Variants in SCFD2 observed in about 807,000 individuals in gnomAD.
SCFD2 encodes sec1 family domain containing 2, also known as sec1 family domain-containing protein 2.
SCFD2 carries 54 observed loss-of-function variants against 58.9 expected under a neutral mutation model. That is an observed-to-expected ratio of 0.92 (90% CI 0.74 to 1.15). The LOEUF (loss-of-function observed/expected upper bound fraction) is 1.15. Among genes scored for constraint, SCFD2 ranks in the 50% most tolerant of loss-of-function variants. The pLI, the probability that SCFD2 is intolerant of heterozygous loss-of-function variation, is 0.00. For missense variants in SCFD2, 805 were observed against 836.6 expected (o/e 0.96, Z 0.47); for synonymous variants, 321 against 335.9 (o/e 0.96, Z 0.49).
At chr4:53,041,570 G>C (rs1722902027) in intron 5 of SCFD2, among the ~76,000 whole-genome samples, 1 of 152,064 alleles carries the variant, frequency 6.6e-6, no homozygotes, top group South Asian at 2.1e-4. Context: ...TTTTGGGAAG[G>C]GTAAAAATTT....
At chr4:53,357,991 C>T (rs1734448109) in intron 1 of SCFD2, among the ~76,000 whole-genome samples, 2 of 151,972 alleles carry the variant, frequency 1.3e-5, no homozygotes, top group African/African-American at 4.8e-5. Flanking sequence ...CAGTTTCATC[C>T]GTAAAATTGG....
chr4:53,174,199 G>A (rs1031019186), intron 4 of SCFD2, among the ~76,000 whole-genome samples: 2 of 151,910 alleles, frequency 1.3e-5, no homozygotes, highest in African/African-American at 4.8e-5. Context: ...AATATTGAAT[G>A]TGAAGGTCTA....
At chr4:53,348,568 A>C (rs1167842035) in intron 2 of SCFD2, among the ~76,000 whole-genome samples, 1 of 152,036 alleles carries the variant, frequency 6.6e-6, no homozygotes, top group Non-Finnish European at 1.5e-5. Flanking sequence ...ATTGCTTTAG[A>C]CCTCTATTTG....
At chr4:52,911,498 A>C (rs1719485378) in intron 6 of SCFD2, among the ~76,000 whole-genome samples, 1 of 152,162 alleles carries the variant, frequency 6.6e-6, no homozygotes, top group Non-Finnish European at 1.5e-5. Context: ...GGAATGTTGG[A>C]AATCTTTTTT....
chr4:53,213,051 A>G (rs1728673950), intron 4 of SCFD2, among the ~76,000 whole-genome samples: 1 of 152,140 alleles, frequency 6.6e-6, no homozygotes, highest in Admixed American at 6.5e-5. Flanking sequence ...TAATAATGAT[A>G]AATGAAGTGT....
Position 53,341,894 on chromosome 4 carries a change from C to A in SCFD2, c.1007+10704G>T, listed in dbSNP as rs532703258. Among the ~76,000 whole-genome samples, 1,309 of 152,224 alleles carry A rather than the reference C, an allele frequency of 8.6e-3. 17 individuals are homozygous for A. Among genetic ancestry groups the A allele is most frequent in the African/African-American group, 0.03 (1,234 of 41,556 alleles). On this transcript the variant is annotated intron_variant, in intron 2 of 8. Transcript: ENST00000401642. ...TGAAGGAGAAATAAAATCCTTTGCA[C>A]ACAAGCAAATGCTGAGAGATTTTGT...
chr4:52,892,131 A>G (rs984828858), intron 7 of SCFD2, among the ~76,000 whole-genome samples: 5 of 152,220 alleles, frequency 3.3e-5, no homozygotes, highest in Non-Finnish European at 5.9e-5. Flanking sequence ...CTTCTTTTCC[A>G]GTTCTGCTTC....
intron 4 of SCFD2, among the ~76,000 whole-genome samples, chr4:53,247,590 T>A (rs1476970211): frequency 6.6e-6 from 1 of 152,028 alleles, no homozygotes; most frequent in African/African-American, 2.4e-5. Flanking sequence ...CCGGGCGCGG[T>A]GGCTCACGCC....
intron 7 of SCFD2, among the ~76,000 whole-genome samples, chr4:52,903,400 A>G (rs1265236230): frequency 6.6e-6 from 1 of 152,166 alleles, no homozygotes; most frequent in Non-Finnish European, 1.5e-5. Context: ...ACTGGAGTTC[A>G]GTGATGGGGC....
At chr4:52,988,041 T>C (rs115542097) in intron 5 of SCFD2, among the ~76,000 whole-genome samples, 338 of 152,320 alleles carry the variant, frequency 2.2e-3, no homozygotes, top group Non-Finnish European at 4.2e-3. Flanking sequence ...AAGTAAGGAC[T>C]TTCCAGTGCT....
chr4:53,017,103 G>GTC (rs1395820561), intron 5 of SCFD2, among the ~76,000 whole-genome samples: 1 of 140,622 alleles, frequency 7.1e-6, no homozygotes, highest in Admixed American at 6.7e-5. Context: ...GCGAGACTCC[G>GTC]TCTCACACAC....
chr4:52,880,785 T>C (rs992935043), intron 8 of SCFD2, among the ~76,000 whole-genome samples: 21 of 152,356 alleles, frequency 1.4e-4, no homozygotes, highest in Admixed American at 6.5e-4. Context: ...GGCCGTTCCC[T>C]GTATTTCCTC....
chr4:53,270,041 A>C (rs1731113124), intron 4 of SCFD2, among the ~76,000 whole-genome samples: 1 of 152,080 alleles, frequency 6.6e-6, no homozygotes, highest in Non-Finnish European at 1.5e-5. Context: ...AGAAAGAAAA[A>C]ATCCTAATTT....
At chr4:52,971,180 G>A (rs1219202485) in intron 5 of SCFD2, among the ~76,000 whole-genome samples, 2 of 152,150 alleles carry the variant, frequency 1.3e-5, no homozygotes, top group Non-Finnish European at 2.9e-5. Flanking sequence ...TGACTTTGAC[G>A]AGCTGAGAGA....
chr4:53,233,888 C>G (rs1729515679), intron 4 of SCFD2, among the ~76,000 whole-genome samples: 1 of 151,910 alleles, frequency 6.6e-6, no homozygotes, highest in South Asian at 2.1e-4. Context: ...AGGAGTAAAA[C>G]TCAAGATAAA....
intron 4 of SCFD2, among the ~76,000 whole-genome samples, chr4:53,193,378 C>CTGT (rs1241622100): frequency 6.6e-6 from 1 of 152,080 alleles, no homozygotes; most frequent in East Asian, 1.9e-4. Flanking sequence ...CTACAGAATA[C>CTGT]AAGTATATTC....
chr4:53,132,079 A>G (rs1725800583), intron 5 of SCFD2, among the ~76,000 whole-genome samples: 1 of 152,238 alleles, frequency 6.6e-6, no homozygotes, highest in African/African-American at 2.4e-5. Context: ...GCATGGAAAA[A>G]TTAAGTACTG....
At chr4:53,194,303 T>C (rs568137881) in intron 4 of SCFD2, among the ~76,000 whole-genome samples, 1 of 152,324 alleles carries the variant, frequency 6.6e-6, no homozygotes, top group Admixed American at 6.5e-5. Context: ...ACTACCACTA[T>C]GTTAGCTTAT....
chr4:53,261,069 T>C (rs552551547), intron 4 of SCFD2, among the ~76,000 whole-genome samples: 7 of 152,318 alleles, frequency 4.6e-5, no homozygotes, highest in Middle Eastern at 3.4e-3. Flanking sequence ...TCAGTAGTAA[T>C]ATATCCCGTT....
Sources: allele counts gnomAD v4.1 joint callset (sites outside exome capture counted in the v4.1 genomes callset), GRCh38; gene constraint gnomAD v4.1.1; transcripts MANE v1.5; gene names NCBI Gene and HGNC (gene_info 2026-07-23, HGNC 2026-07-21).